USP39: variants seen among roughly 807,000 people sequenced by gnomAD.
USP39 encodes the protein ubiquitin specific peptidase 39, also known as ubiquitin carboxyl-terminal hydrolase 39.
In USP39, 38 loss-of-function variants were observed where a neutral mutation model predicts 66.4. That is an observed-to-expected ratio of 0.57 (90% CI 0.44 to 0.75). The LOEUF is 0.75. Ranked by LOEUF, USP39 falls within the 30% of genes least tolerant of loss-of-function variation. USP39 has a pLI of 0.00. For missense variants in USP39, 608 were observed against 714.4 expected (o/e 0.85, Z 1.70); for synonymous variants, 303 against 274.6 (o/e 1.10, Z -1.02).
At chr2:85,608,444 G>A (rs748636906), upstream of USP39, 163 of 152,146 alleles carry the variant, frequency 1.1e-3, no homozygotes, top group Non-Finnish European at 2.1e-3. Flanking sequence ...GAAAACTGAT[G>A]GATTCTACCT....
intron 5 of USP39, among the ~76,000 whole-genome samples, chr2:85,629,872 G>A (rs1675192102): frequency 6.6e-6 from 1 of 151,712 alleles, no homozygotes; most frequent in East Asian, 1.9e-4. Context: ...TTAGGCATGA[G>A]AATTGCTTGA....
At chr2:85,623,933 T>A in intron 4 of USP39, 151 bp downstream of exon 4, 1 of 865,474 alleles carries the variant, frequency 1.2e-6, no homozygotes, top group Non-Finnish European at 1.7e-6. Context: ...CTGGGGAAAC[T>A]GAGTAAGGTC....
chr2:85,624,820 G>A (rs912233168), intron 4 of USP39, among the ~76,000 whole-genome samples: 4 of 151,916 alleles, frequency 2.6e-5, no homozygotes, highest in Admixed American at 6.6e-5. Context: ...AAAATTAGCC[G>A]GGCATGATGG....
intron 4 of USP39, among the ~76,000 whole-genome samples, 180 bp downstream of exon 4, chr2:85,623,962 C>T (rs1674654029): frequency 1.3e-5 from 2 of 152,180 alleles, no homozygotes; most frequent in Non-Finnish European, 2.9e-5. Context: ...TAATTGCAGC[C>T]TGTAGTCTGT....
At chr2:85,611,284 T>C (rs942324294), upstream of USP39, 2 of 1,416,830 alleles carry the variant, frequency 1.4e-6, no homozygotes, top group Middle Eastern at 2.6e-4. Context: ...GTGTGATCTC[T>C]AGGTAGCAGA....
At chr2:85,648,626 G>A in intron 12 of USP39, 135 bp from the exon 13 acceptor site, 1 of 1,021,236 alleles carries the variant, frequency 9.8e-7, no homozygotes, top group Non-Finnish European at 1.5e-6. Context: ...CACTGTAGCA[G>A]ATTTCCAAAT....
chr2:85,611,985 C>A, upstream of USP39: 1 of 1,531,388 alleles, frequency 6.5e-7, no homozygotes, highest in Non-Finnish European at 8.7e-7. Context: ...CCGCCTCCAT[C>A]AGGAGCCGGG....
Position 85,639,267 on chromosome 2 carries a change from C to G in USP39, c.1160C>G (p.Thr387Ser), listed in dbSNP as rs1353915240. Residue 387 changes from threonine to serine, a missense_variant, in exon 9 of 13, where the codon ACT (threonine) becomes AGT (serine). Around this residue, in one of 6 missense-constraint regions of USP39, gnomAD observed 164 missense variants for 250.3 expected, o/e 0.66. Coordinates refer to ENST00000323701, the MANE Select transcript of USP39 (RefSeq NM_006590.4). ...TACCAGGAGACAATGGTGGAGTCCACTTTTATGTACCTGACGCTGGACCTT... is the reference window on the plus strand; with the variant it reads ...TACCAGGAGACAATGGTGGAGTCCAGTTTTATGTACCTGACGCTGGACCTT... ...DEYQETMVES[T>S]FMYLTLDLPT... 1 of 1,614,018 alleles carries G rather than the reference C, an allele frequency of 6.2e-7. No homozygotes were observed. Among genetic ancestry groups the G allele is most frequent in the South Asian group, 1.1e-5 (1 of 91,078 alleles).
In USP39 at chr2:85,645,002, T is replaced by A. The variant is rs1251491102; in HGVS notation, c.1482T>A (p.Asn494Lys). Residue 494 changes from asparagine to lysine, a missense_variant, in exon 11 of 13, where the codon AAT becomes AAA. Coordinates refer to ENST00000323701, the MANE Select transcript of USP39 (RefSeq NM_006590.4). ...AAGAAGTACAAGCAGTACACAAGAATACCACCTATGACCTCATTGCCAACA... is the reference window on the plus strand; with the variant it reads ...AAGAAGTACAAGCAGTACACAAGAAAACCACCTATGACCTCATTGCCAACA... The part of the protein sequence containing the change: ...LSEEVQAVHK[N>K]TTYDLIANIV... The A allele has an allele frequency of 1.2e-6, 2 of 1,614,212 alleles. No homozygotes were observed. The highest frequency in any genetic ancestry group is 1.7e-6 in the Non-Finnish European group (2 of 1,180,040).
intron 7 of USP39, 135 bp from the exon 8 acceptor site, chr2:85,637,234 C>G: frequency 2.4e-6 from 2 of 840,644 alleles, no homozygotes; most frequent in Non-Finnish European, 3.8e-6. Flanking sequence ...CAAAAGGAAA[C>G]TTCTGTGTTT....
chr2:85,609,721 G>A (rs575236522), upstream of USP39: 29 of 1,203,146 alleles, frequency 2.4e-5, no homozygotes, highest in South Asian at 2.4e-4. Context: ...TCACTCTGTC[G>A]CCCAGGCTGG....
At chr2:85,639,456 T>TC in intron 9 of USP39, 65 bp downstream of exon 9, 1 of 886,730 alleles carries the variant, frequency 1.1e-6, no homozygotes, top group Non-Finnish European at 1.5e-6. Context: ...TTCATTTTCT[T>TC]TTTTTTTTTT....
intron 5 of USP39, among the ~76,000 whole-genome samples, chr2:85,629,093 TG>T (rs534319143): frequency 1.3e-3 from 203 of 152,274 alleles, no homozygotes; most frequent in Non-Finnish European, 2.2e-3. Context: ...GATGGAATTT[TG>T]CTCTTTTTGC....
At chr2:85,640,803 T>G (rs1299637305) in intron 9 of USP39, among the ~76,000 whole-genome samples, 173 bp from the exon 10 acceptor site, 1 of 147,608 alleles carries the variant, frequency 6.8e-6, no homozygotes, top group Non-Finnish European at 1.5e-5. Context: ...TAAATCAGCC[T>G]TAGCCAAACT....
In USP39 at chr2:85,637,807, C is replaced by T. The variant is rs572290130; in HGVS notation, c.1095+371C>T. 2.0e-5 allele frequency among the ~76,000 whole-genome samples: 3 copies of T among 152,262 alleles called. No homozygotes were observed. In the South Asian group the frequency reaches 6.2e-4, roughly 32 times the overall value. On this transcript the variant is annotated intron_variant, in intron 8 of 12. Transcript: ENST00000323701. ...TACCTCCTGGGTTCAAGCGATTCTC[C>T]TGCCTTAGCCTCCTGAGTGGCTGTG...
chr2:85,611,505 G>A (rs992132082), upstream of USP39: 1 of 1,550,792 alleles, frequency 6.4e-7, no homozygotes, highest in Non-Finnish European at 8.7e-7. Context: ...AGTTCTTGGT[G>A]AGAATCATTC....
chr2:85,645,534 G>A (rs1350053179), intron 11 of USP39, among the ~76,000 whole-genome samples: 2 of 152,006 alleles, frequency 1.3e-5, no homozygotes, highest in East Asian at 1.9e-4. Flanking sequence ...CACCCACCTC[G>A]GCCTCCCAAA....
upstream of USP39, chr2:85,611,993 G>A: frequency 6.6e-7 from 1 of 1,517,484 alleles, no homozygotes; most frequent in East Asian, 2.4e-5. Context: ...ATCAGGAGCC[G>A]GGGACGCAGA....
At chr2:85,615,731 A>G (rs1673874039), upstream of USP39, among the ~76,000 whole-genome samples, 1 of 152,140 alleles carries the variant, frequency 6.6e-6, no homozygotes, top group Admixed American at 6.5e-5. Context: ...CCTGGGTTCA[A>G]GCGATTCTCC....
Sources: gnomAD v4.1 joint callset for allele counts (sites outside exome capture counted in the v4.1 genomes callset) on GRCh38, gnomAD v4.1.1 for gene constraint, gnomAD v4.1.1 regional missense constraint, MANE v1.5 for transcripts, NCBI Gene and HGNC (gene_info 2026-07-23, HGNC 2026-07-21) for gene names.